The following SKAP1 variants were observed in gnomAD, a reference collection of about 807,000 sequenced individuals.
SKAP1 encodes the protein src kinase-associated phosphoprotein 1.
SKAP1 carries 44 observed loss-of-function variants against 58.5 expected under a neutral mutation model. The ratio of observed to expected loss-of-function variants is 0.75; its 90% CI spans 0.59 to 0.97. The LOEUF is 0.97. Among genes scored for constraint, SKAP1 ranks in the 50% least tolerant of loss-of-function variants. The pLI, the probability that SKAP1 is intolerant of heterozygous loss-of-function variation, is 0.00. For synonymous variants in SKAP1, 127 were observed against 149.7 expected (o/e 0.85, Z 1.11); for missense variants, 390 against 435.2 (o/e 0.90, Z 0.92).
chr17:48,373,768 C>G (rs963664437), intron 2 of SKAP1, among the ~76,000 whole-genome samples: 3 of 152,096 alleles, frequency 2.0e-5, no homozygotes, highest in Non-Finnish European at 4.4e-5. Flanking sequence ...GCCCCACACC[C>G]ACCAAAAATG....
chr17:48,375,574 T>C (rs2067140301), intron 2 of SKAP1, among the ~76,000 whole-genome samples: 1 of 152,174 alleles, frequency 6.6e-6, no homozygotes, highest in South Asian at 2.1e-4. Context: ...TTCCCCTACT[T>C]TCTAGCATGA....
intron 4 of SKAP1, among the ~76,000 whole-genome samples, chr17:48,316,776 G>A (rs1358816874): frequency 6.6e-6 from 1 of 152,178 alleles, no homozygotes; most frequent in Non-Finnish European, 1.5e-5. Flanking sequence ...TCACATGACA[G>A]AGACCACCAC....
chr17:48,431,915 C>T (rs1220343989), upstream of SKAP1, among the ~76,000 whole-genome samples: 2 of 152,032 alleles, frequency 1.3e-5, no homozygotes, highest in Non-Finnish European at 2.9e-5. Flanking sequence ...GTGCCTGCCT[C>T]CTTGTACTGT....
intron 4 of SKAP1, among the ~76,000 whole-genome samples, chr17:48,247,644 C>G (rs528468922): frequency 1.2e-4 from 18 of 152,124 alleles, no homozygotes; most frequent in African/African-American, 4.1e-4. Context: ...AATACATACA[C>G]CACCTTTAAT....
intron 4 of SKAP1, among the ~76,000 whole-genome samples, chr17:48,233,534 T>TAGTCCCAGCTACTCGGGAGGCTGAGGCA (rs1567831319): frequency 3.3e-5 from 5 of 151,972 alleles, no homozygotes; most frequent in African/African-American, 1.2e-4. Context: ...AAAATTTTAC[T>TAGTCCCAGCTACTCGGGAGGCTGAGGCA]GTACTAATTG....
chr17:48,302,045 C>T (rs187083095), intron 4 of SKAP1, among the ~76,000 whole-genome samples: 15 of 152,184 alleles, frequency 9.9e-5, no homozygotes, highest in East Asian at 3.9e-4. Context: ...AATAATCCAA[C>T]GTAAAATAGC....
rs183594439 is a variant in SKAP1, at chr17:48,310,578, C to T, written c.280+35327G>A. The stretch of plus-strand genomic sequence containing the variant: ...TGTACATTGCTATATACATGCAAAA[C>T]AGTTAATCGACATCTAAAATGCTGG... On this transcript the variant is annotated intron_variant, in intron 4 of 12. Transcript: ENST00000336915. Among the ~76,000 whole-genome samples the T allele has an allele frequency of 5.7e-3, 862 of 152,216 alleles. 3 individuals carry two copies. The highest frequency in any genetic ancestry group is 0.016 in the African/African-American group (680 of 41,520).
At chr17:48,137,951 G>T (rs1598352016) in intron 11 of SKAP1, among the ~76,000 whole-genome samples, 1 of 152,266 alleles carries the variant, frequency 6.6e-6, no homozygotes, top group African/African-American at 2.4e-5. Flanking sequence ...GATGTAAATT[G>T]TATCACTGAA....
At chr17:48,407,984 AG>A (rs1454264554) in intron 1 of SKAP1, among the ~76,000 whole-genome samples, 3 of 152,198 alleles carry the variant, frequency 2.0e-5, no homozygotes, top group Non-Finnish European at 4.4e-5. Context: ...GAAGAAGGAG[AG>A]AAAGCACAAA....
intron 4 of SKAP1, among the ~76,000 whole-genome samples, chr17:48,224,038 A>AAGGAGG (rs1283982367): frequency 0.042 from 2,211 of 52,208 alleles, 157 homozygotes; most frequent in East Asian, 0.16. Context: ...GAGAGAGAAG[A>AAGGAGG]AGGAGGAGGA....
intron 4 of SKAP1, among the ~76,000 whole-genome samples, chr17:48,301,815 G>C (rs1158073090): frequency 6.6e-6 from 1 of 152,078 alleles, no homozygotes; most frequent in Non-Finnish European, 1.5e-5. Flanking sequence ...TGGTCCCCTG[G>C]CTCCTGATTT....
chr17:48,223,086 A>C (rs936526806), intron 4 of SKAP1, among the ~76,000 whole-genome samples: 1 of 145,956 alleles, frequency 6.9e-6, no homozygotes, highest in African/African-American at 2.6e-5. Flanking sequence ...AAAAAAAAAA[A>C]GCCCTCTTAA....
rs187266114 is a variant in SKAP1 at position 48,283,441 on chromosome 17, C to T, written c.280+62464G>A. On this transcript the variant is annotated intron_variant, in intron 4 of 12. Transcript: ENST00000336915. ...AATCACAGTTCAACTTCCTCTTGGTCTGTGACCTGGGGCAAGTTATTTAAC... is the reference window on the plus strand; with the variant it reads ...AATCACAGTTCAACTTCCTCTTGGTTTGTGACCTGGGGCAAGTTATTTAAC... 2.1e-3 allele frequency among the ~76,000 whole-genome samples: 327 copies of T among 152,314 alleles called. 1 individual carries two copies. The highest frequency in any genetic ancestry group is 7.0e-3 in the African/African-American group (289 of 41,572).
intron 4 of SKAP1, among the ~76,000 whole-genome samples, chr17:48,199,578 A>G (rs2064698410): frequency 6.6e-6 from 1 of 152,140 alleles, no homozygotes; most frequent in African/African-American, 2.4e-5. Context: ...CTGTGCTTCT[A>G]TAGCATTTTC....
chr17:48,325,889 T>C (rs544862738), intron 4 of SKAP1, among the ~76,000 whole-genome samples: 36 of 152,314 alleles, frequency 2.4e-4, no homozygotes, highest in African/African-American at 7.2e-4. Flanking sequence ...TCAGAATCCA[T>C]GACAAAAGTG....
At chr17:48,189,593 AC>A (rs1217013200) in intron 4 of SKAP1, 93 bp from the exon 5 acceptor site, 9 of 807,842 alleles carry the variant, frequency 1.1e-5, no homozygotes, top group Non-Finnish European at 1.8e-5. Context: ...ATAACAGAGT[AC>A]AAAAAGGGCA....
intron 2 of SKAP1, among the ~76,000 whole-genome samples, chr17:48,385,793 G>A (rs1472523508): frequency 1.3e-5 from 2 of 152,188 alleles, no homozygotes; most frequent in Non-Finnish European, 2.9e-5. Flanking sequence ...AGGATATTGT[G>A]GGGTTTGGTT....
chr17:48,136,314 G>T (rs1054009399), intron 12 of SKAP1, among the ~76,000 whole-genome samples: 1 of 151,902 alleles, frequency 6.6e-6, no homozygotes, highest in Non-Finnish European at 1.5e-5. Flanking sequence ...TAGGATTATA[G>T]GTGCACACCA....
chr17:48,426,812 C>T (rs998962099), intron 1 of SKAP1, among the ~76,000 whole-genome samples: 32 of 151,404 alleles, frequency 2.1e-4, no homozygotes, highest in African/African-American at 7.7e-4. Context: ...AGAAACCTCA[C>T]ACTGTTTTGA....
Sources: gnomAD v4.1 joint callset for allele counts (sites outside exome capture counted in the v4.1 genomes callset) on GRCh38, gnomAD v4.1.1 for gene constraint, MANE v1.5 for transcripts, NCBI Gene and HGNC (gene_info 2026-07-23, HGNC 2026-07-21) for gene names.